MYLK3: variants seen among roughly 807,000 people sequenced by gnomAD.
MYLK3 encodes MLC kinase.
MYLK3 carries 55 observed loss-of-function variants against 76.3 expected under a neutral mutation model. The ratio of observed to expected loss-of-function variants is 0.72; its 90% CI spans 0.58 to 0.90. MYLK3 has a LOEUF of 0.90. Among genes scored for constraint, MYLK3 ranks in the 40% least tolerant of loss-of-function variants. The pLI is 0.00. For missense variants in MYLK3, 973 were observed against 1,053.6 expected (o/e 0.92, Z 1.06); for synonymous variants, 416 against 425.4 (o/e 0.98, Z 0.27).
intron 8 of MYLK3, among the ~76,000 whole-genome samples, chr16:46,722,475 A>G (rs1211424599): frequency 6.6e-6 from 1 of 152,176 alleles, no homozygotes. Context: ...TTATGTTACA[A>G]TGGGGTTGTA....
chr16:46,745,661 G>A (rs578105238), intron 1 of MYLK3, among the ~76,000 whole-genome samples: 5 of 152,206 alleles, frequency 3.3e-5, no homozygotes, highest in Admixed American at 1.3e-4. Context: ...CAGGAGAATC[G>A]CTTGAACCCA....
At position 46,737,961 on chromosome 16, in the gene MYLK3, G is replaced by C. The variant is rs1375995995; in HGVS notation, c.751C>G (p.Pro251Ala). Reference sequence around the variant, plus strand: ...CTGAGGTTCTCGCTGGGTGTCTCAGGAGCCTTGGCTTCCACCTTTGTGGGC... The same window carrying C: ...CTGAGGTTCTCGCTGGGTGTCTCAGCAGCCTTGGCTTCCACCTTTGTGGGC... ...PLPTKVEAKA[P>A]ETPSENLRTG... The change falls in exon 3 of 13, where the codon CCT becomes GCT. Residue 251 changes from proline (P) to alanine (A), a missense_variant. Transcript: ENST00000394809. 1.2e-6 allele frequency: 2 copies of C among 1,614,036 alleles called. No individual in the cohort carries two copies. Among genetic ancestry groups the C allele is most frequent in the African/African-American group, 2.7e-5 (2 of 74,932 alleles).
rs534005345 is a variant in MYLK3, at chr16:46,732,654, A to G, written c.1016T>C (p.Ile339Thr). 5.9e-6 allele frequency: 9 copies of G among 1,520,528 alleles called. No individual in the cohort carries two copies. Among genetic ancestry groups the G allele is most frequent in the Non-Finnish European group, 7.9e-6 (9 of 1,141,214 alleles). The allele number at this position is 1,520,528 out of a possible 1,614,324, so 94.2% of individuals were successfully genotyped here. ...CTCCCCAGGAGTATCCATCTCTTGTATGTGGATGGAGATCCTGGGGTGGAG... is the reference window on the plus strand; with the variant it reads ...CTCCCCAGGAGTATCCATCTCTTGTGTGTGGATGGAGATCCTGGGGTGGAG... Reference protein sequence around the residue: ...GETPPRISIHIQEMDTPGEML... With the variant: ...GETPPRISIHTQEMDTPGEML... Residue 339 changes from isoleucine (I) to threonine (T), a missense_variant, in exon 4 of 13, where the codon ATA (isoleucine) becomes ACA (threonine). This residue lies in a region of MYLK3 where 641 missense variants were observed against 637.0 expected (regional missense o/e 1.01). Transcript: ENST00000394809.
At position 46,732,294 on chromosome 16, in the gene MYLK3, T is replaced by C. The variant is rs1966854015; in HGVS notation, c.1376A>G (p.Glu459Gly). The change falls in exon 4 of 13, where the codon GAG becomes GGG. Residue 459 changes from glutamate (E) to glycine (G), a missense_variant. Glu to Gly is a moderately conservative substitution (Grantham distance 98, BLOSUM62 -2). Transcript: ENST00000394809. ...KSPGAGNPEP[E>G]QDCAARAPVR... ...CGGAGCCCTGGCTGCACAGTCCTGC[T>C]CAGGCTCAGGGTTTCCCGCCCCTGG... The C allele has an allele frequency of 3.7e-6, 6 of 1,609,696 alleles. No homozygotes were observed. The highest frequency in any genetic ancestry group is 4.2e-6 in the Non-Finnish European group (5 of 1,180,016).
intron 1 of MYLK3, chr16:46,757,531 C>T: frequency 1.0e-6 from 1 of 985,414 alleles, no homozygotes. Context: ...GTGACTGTGC[C>T]AACTCCGTGT....
chr16:46,738,110 G>T lies in MYLK3; in HGVS notation c.602C>A (p.Ala201Glu). ...SQKADVLEGT[A>E]ERLPPIRASG... Reference sequence around the variant, plus strand: ...CGCTCTGATGGGGGGCAGCCTCTCCGCTGTCCCCTCCAGCACGTCCGCCTT... The same window carrying T: ...CGCTCTGATGGGGGGCAGCCTCTCCTCTGTCCCCTCCAGCACGTCCGCCTT... The change falls in exon 3 of 13, where the codon GCG becomes GAG. Residue 201 changes from alanine to glutamate, a missense_variant. Physicochemically the swap from Ala to Glu is moderately radical, Grantham distance 107. Transcript: ENST00000394809. 6.4e-7 allele frequency: 1 copy of T among 1,574,038 alleles called. No individual in the cohort carries two copies. Among genetic ancestry groups the T allele is most frequent in the Non-Finnish European group, 8.6e-7 (1 of 1,160,092 alleles).
chr16:46,730,750 T>A (rs1966851053), intron 4 of MYLK3, 52 bp from the exon 5 acceptor site: 1 of 1,545,370 alleles, frequency 6.5e-7, no homozygotes, highest in East Asian at 2.2e-5. Context: ...AGCCCACACC[T>A]CTCGGTCACC....
At chr16:46,743,691 G>A (rs1966971535) in intron 1 of MYLK3, among the ~76,000 whole-genome samples, 1 of 152,150 alleles carries the variant, frequency 6.6e-6, no homozygotes, top group Admixed American at 6.5e-5. Context: ...ACCCAGAAAT[G>A]CCTTCATGCA....
chr16:46,751,252 A>G (rs1967120760), upstream of MYLK3, among the ~76,000 whole-genome samples: 1 of 151,964 alleles, frequency 6.6e-6, no homozygotes, highest in East Asian at 1.9e-4. Context: ...CTCTACTAAA[A>G]ATACAAAAAT....
intron 1 of MYLK3, among the ~76,000 whole-genome samples, chr16:46,745,791 AAAAAC>A (rs1967011519): frequency 6.6e-6 from 1 of 152,188 alleles, no homozygotes; most frequent in East Asian, 1.9e-4. Flanking sequence ...AGATTGTGGG[AAAAAC>A]AAAACAAAAC....
rs1966602958 is a variant in MYLK3 at position 46,704,117 on chromosome 16, TG to T, written c.*3586del. 6.6e-6 allele frequency: 1 copy of T among 152,302 alleles called. No homozygotes were observed. The highest frequency in any genetic ancestry group is 6.5e-5 in the Admixed American group (1 of 15,276). 9.4% of individuals were successfully genotyped at this position (152,302 alleles called of 1,614,324 possible). On this transcript the variant is annotated 3_prime_UTR_variant, in exon 13 of 13. Coordinates refer to ENST00000394809, the MANE Select transcript of MYLK3 (RefSeq NM_182493.3). Reference sequence around the variant, plus strand: ...TTGTTTTGTTTGTTTGTTTGTTTTTTGTCAGGGGTGGGGACAAAGTTTTGCT... The same window carrying T: ...TTGTTTTGTTTGTTTGTTTGTTTTTTTCAGGGGTGGGGACAAAGTTTTGCT...
upstream of MYLK3, among the ~76,000 whole-genome samples, chr16:46,753,209 C>T (rs984110095): frequency 2.0e-5 from 3 of 152,178 alleles, no homozygotes; most frequent in African/African-American, 4.8e-5. Flanking sequence ...GGCTTCGGAC[C>T]CCGATACCCC....
chr16:46,710,920 C>T (rs1966677305), intron 10 of MYLK3, 131 bp from the exon 11 acceptor site: 1 of 971,760 alleles, frequency 1.0e-6, no homozygotes, highest in South Asian at 1.4e-5. Flanking sequence ...AAAGCACCTC[C>T]ACTACTTCTC....
At chr16:46,732,695 A>G in intron 3 of MYLK3, 27 bp from the exon 4 acceptor site, 1 of 1,459,460 alleles carries the variant, frequency 6.9e-7, no homozygotes, top group Non-Finnish European at 9.0e-7. Flanking sequence ...CATGGTGCTG[A>G]GGTTAGAGGC....
chr16:46,716,091 G>A (rs930274971), intron 9 of MYLK3, among the ~76,000 whole-genome samples: 3 of 152,156 alleles, frequency 2.0e-5, no homozygotes, highest in African/African-American at 7.2e-5. Flanking sequence ...CCCACGGAGT[G>A]CGGTTTCCTG....
Position 46,710,753 on chromosome 16 carries a change from A to C in MYLK3, c.2151T>G (p.Asp717Glu), listed in dbSNP as rs773945196. Residue 717 changes from aspartate (D) to glutamate (E), a missense_variant, in exon 11 of 13, where the codon GAT (aspartate) becomes GAG (glutamate). By Grantham distance (45) the Asp-to-Glu change is conservative. Transcript: ENST00000394809. ...TTACAATGAAATTCATGGTCTCTGC[A>C]TCTGTTTCCCCTAGAAATGGGGACA... is the stretch of plus-strand genomic sequence containing the variant. ...SGLSPFLGET[D>E]AETMNFIVNC... 5.0e-6 allele frequency: 8 copies of C among 1,614,040 alleles called. No homozygotes were observed. The South Asian group carries it at 8.8e-5, about 18-fold the overall frequency.
chr16:46,738,685 G>A (rs1024797803), intron 2 of MYLK3, among the ~76,000 whole-genome samples: 7 of 152,268 alleles, frequency 4.6e-5, no homozygotes, highest in Non-Finnish European at 1.0e-4. Flanking sequence ...GTGTGAGTGT[G>A]CATGTGTGCA....
At chr16:46,757,924 C>T (rs1967221431) in intron 1 of MYLK3, among the ~76,000 whole-genome samples, 1 of 152,176 alleles carries the variant, frequency 6.6e-6, no homozygotes, top group African/African-American at 2.4e-5. Context: ...ATTCAGGGAG[C>T]CCTGAGGACA....
In MYLK3 at chr16:46,740,150, A is replaced by G. The variant is rs180694020; in HGVS notation, c.478-3T>C. On this transcript the variant is annotated splice_region_variant and splice_polypyrimidine_tract_variant and intron_variant, in intron 1 of 12. Coordinates refer to ENST00000394809, the MANE Select transcript of MYLK3 (RefSeq NM_182493.3). ...TCTTCTTCCACTCGCTCTTTATTCTAAAATAACAACCATAAAAAATGTCAT... is the reference window on the plus strand; with the variant it reads ...TCTTCTTCCACTCGCTCTTTATTCTGAAATAACAACCATAAAAAATGTCAT... 6.2e-7 allele frequency: 1 copy of G among 1,612,826 alleles called. No individual in the cohort carries two copies. The highest frequency in any genetic ancestry group is 1.3e-5 in the African/African-American group (1 of 75,034).
Sources: gnomAD v4.1 joint callset for allele counts (sites outside exome capture counted in the v4.1 genomes callset) on GRCh38, gnomAD v4.1.1 for gene constraint, gnomAD v4.1.1 regional missense constraint, MANE v1.5 for transcripts, NCBI Gene and HGNC (gene_info 2026-07-23, HGNC 2026-07-21) for gene names.